PTPRM: variants seen among roughly 807,000 people sequenced by gnomAD.
PTPRM encodes the protein protein tyrosine phosphatase receptor type M, also known as receptor-type tyrosine-protein phosphatase mu.
In PTPRM, 47 loss-of-function variants were observed where a neutral mutation model predicts 186.7. That is an observed-to-expected ratio of 0.25 (90% confidence interval 0.20 to 0.32). PTPRM has a LOEUF of 0.32. Ranked by LOEUF, PTPRM falls within the 10% of genes least tolerant of loss-of-function variation. PTPRM has a pLI of 1.00. For missense variants in PTPRM, 1,494 were observed against 1,865.0 expected (o/e 0.80, Z 3.66); for synonymous variants, 668 against 674.9 (o/e 0.99, Z 0.16).
intron 7 of PTPRM, among the ~76,000 whole-genome samples, chr18:8,047,802 G>A (rs2087168617): frequency 6.6e-6 from 1 of 152,092 alleles, no homozygotes; most frequent in Non-Finnish European, 1.5e-5. Flanking sequence ...TCCTCATGTT[G>A]GTGGACTGTG....
At chr18:8,393,245 T>C (rs150818032) in intron 31 of PTPRM, among the ~76,000 whole-genome samples, 342 of 152,270 alleles carry the variant, frequency 2.2e-3, no homozygotes, top group African/African-American at 7.9e-3. Context: ...GAACATCCCC[T>C]CTCTGGTTTT....
intron 13 of PTPRM, among the ~76,000 whole-genome samples, chr18:8,133,147 T>C (rs895906137): frequency 3.3e-5 from 5 of 152,148 alleles, no homozygotes; most frequent in Admixed American, 1.3e-4. Context: ...AATCCATTCA[T>C]GAGAACTCTG....
intron 11 of PTPRM, among the ~76,000 whole-genome samples, chr18:8,100,830 T>C (rs1568341741): frequency 6.6e-6 from 1 of 152,186 alleles, no homozygotes; most frequent in Non-Finnish European, 1.5e-5. Flanking sequence ...TGCTATTCAG[T>C]CTTTATGCCC....
At chr18:7,752,831 C>T (rs1327944510) in intron 1 of PTPRM, among the ~76,000 whole-genome samples, 4 of 152,000 alleles carry the variant, frequency 2.6e-5, no homozygotes, top group Non-Finnish European at 2.9e-5. Context: ...GTTTTTTGGC[C>T]TTTTAGTTAG....
intron 19 of PTPRM, among the ~76,000 whole-genome samples, chr18:8,288,744 G>C (rs2094987171): frequency 6.6e-6 from 1 of 152,190 alleles, no homozygotes; most frequent in Admixed American, 6.5e-5. Flanking sequence ...CTTGAGGGCT[G>C]TGTCACTTCA....
chr18:7,860,349 A>G (rs757347947), intron 2 of PTPRM, among the ~76,000 whole-genome samples: 1 of 152,166 alleles, frequency 6.6e-6, no homozygotes, highest in Admixed American at 6.5e-5. Flanking sequence ...CTGGGATTAC[A>G]GGTATGAGCC....
At position 8,289,565 on chromosome 18, in the gene PTPRM, T is replaced by TATATATATATACATATATATATACAC. The variant is rs1555845749; in HGVS notation, c.2755-6789_2755-6764dup. Among the ~76,000 whole-genome samples the TATATATATATACATATATATATACAC allele has an allele frequency of 4.0e-3, 386 of 96,570 alleles. 19 individuals carry two copies. The East Asian group carries it at 0.065, about 16-fold the overall frequency. The allele number at this position is 96,570 out of a possible 152,430, so 63.4% of individuals were successfully genotyped here. ...ATATATATATACATATATATACACA[T>TATATATATATACATATATATATACAC]ATATATATATACATATATATATACA... On this transcript the variant is annotated intron_variant, in intron 19 of 32. Coordinates refer to ENST00000580170, the MANE Select transcript of PTPRM (RefSeq NM_001105244.2).
intron 14 of PTPRM, among the ~76,000 whole-genome samples, chr18:8,178,638 C>A (rs1421316124): frequency 6.6e-6 from 1 of 151,634 alleles, no homozygotes; most frequent in Non-Finnish European, 1.5e-5. Flanking sequence ...ACAAAAAAAA[C>A]TAGCTGGGCA....
chr18:8,211,287 C>G (rs1029666783), intron 14 of PTPRM, among the ~76,000 whole-genome samples: 2 of 150,524 alleles, frequency 1.3e-5, no homozygotes, highest in South Asian at 2.1e-4. Flanking sequence ...GGGGAGAGCC[C>G]GTCTCAGTGG....
chr18:8,368,694 T>G (rs2148443661), intron 23 of PTPRM, among the ~76,000 whole-genome samples: 1 of 152,330 alleles, frequency 6.6e-6, no homozygotes, highest in South Asian at 2.1e-4. Context: ...CTCAGGGGGT[T>G]GGCATTCTGG....
At chr18:8,227,037 T>C (rs933557944) in intron 14 of PTPRM, among the ~76,000 whole-genome samples, 1 of 152,244 alleles carries the variant, frequency 6.6e-6, no homozygotes, top group African/African-American at 2.4e-5. Flanking sequence ...ATCTTCCTTT[T>C]TTAAAGTTAG....
chr18:7,812,227 T>TA (rs1238466149), intron 2 of PTPRM, among the ~76,000 whole-genome samples: 1 of 152,240 alleles, frequency 6.6e-6, no homozygotes, highest in East Asian at 1.9e-4. Flanking sequence ...CTTTAAGTAT[T>TA]ACTTTTTTCC....
At chr18:8,150,693 C>A (rs1033312131) in intron 14 of PTPRM, among the ~76,000 whole-genome samples, 2 of 152,020 alleles carry the variant, frequency 1.3e-5, no homozygotes, top group Non-Finnish European at 2.9e-5. Context: ...CCCTTGCTGG[C>A]GAGGAATTAT....
chr18:7,890,987 G>C (rs72636712), intron 3 of PTPRM, among the ~76,000 whole-genome samples: 1 of 151,890 alleles, frequency 6.6e-6, no homozygotes, highest in Non-Finnish European at 1.5e-5. Flanking sequence ...TTAAGAAAGT[G>C]GTATCTTGGC....
chr18:7,871,866 G>C (rs533429626), intron 2 of PTPRM, among the ~76,000 whole-genome samples: 2 of 152,194 alleles, frequency 1.3e-5, no homozygotes, highest in African/African-American at 4.8e-5. Context: ...TTACGACAGT[G>C]CCTGGGCAGT....
intron 1 of PTPRM, among the ~76,000 whole-genome samples, chr18:7,747,917 G>A (rs1204834238): frequency 1.3e-5 from 2 of 152,196 alleles, no homozygotes; most frequent in Non-Finnish European, 2.9e-5. Context: ...AGGAATGTAT[G>A]AAAAGTTTAA....
At chr18:7,746,110 G>A (rs2040979672) in intron 1 of PTPRM, among the ~76,000 whole-genome samples, 1 of 152,020 alleles carries the variant, frequency 6.6e-6, no homozygotes, top group Non-Finnish European at 1.5e-5. Context: ...TTCCAAAATT[G>A]ATAAAAGACA....
intron 7 of PTPRM, among the ~76,000 whole-genome samples, chr18:8,009,882 C>T (rs557852224): frequency 4.5e-4 from 68 of 152,112 alleles, no homozygotes; most frequent in Non-Finnish European, 8.5e-4. Flanking sequence ...AGATAATAAA[C>T]TATTTCCCTC....
chr18:8,271,875 T>A (rs1161052863), intron 19 of PTPRM, among the ~76,000 whole-genome samples: 2 of 152,198 alleles, frequency 1.3e-5, no homozygotes, highest in Admixed American at 1.3e-4. Flanking sequence ...TCCTTTAGCA[T>A]TCCTGCCAGA....
Sources: gnomAD v4.1 joint callset for allele counts (sites outside exome capture counted in the v4.1 genomes callset) on GRCh38, gnomAD v4.1.1 for gene constraint, MANE v1.5 for transcripts, NCBI Gene and HGNC (gene_info 2026-07-23, HGNC 2026-07-21) for gene names.